The following FAM118A variants were observed in gnomAD, a reference collection of about 807,000 sequenced individuals.
The protein encoded by FAM118A is SIR2 antiphage like 2.
A neutral mutation model predicts 38.2 loss-of-function variants in FAM118A; 25 were observed. That is an observed-to-expected ratio of 0.65 (90% CI 0.48 to 0.91). The LOEUF (loss-of-function observed/expected upper bound fraction) is 0.91. Ranked by LOEUF, FAM118A falls within the 40% of genes least tolerant of loss-of-function variation. FAM118A has a pLI of 0.00. For synonymous variants in FAM118A, 178 were observed against 184.1 expected (o/e 0.97, Z 0.27); for missense variants, 425 against 463.3 (o/e 0.92, Z 0.76).
At chr22:45,337,034 G>A (rs1028225843) in intron 8 of FAM118A, among the ~76,000 whole-genome samples, 5 of 152,172 alleles carry the variant, frequency 3.3e-5, no homozygotes, top group Non-Finnish European at 7.4e-5. Flanking sequence ...TGTTCGTGCC[G>A]GTCCCTCCCT....
At chr22:45,322,078 G>T in intron 1 of FAM118A, 1 of 812,152 alleles carries the variant, frequency 1.2e-6, no homozygotes. Context: ...CCCCAGCTCG[G>T]AGCCCACAGA....
At chr22:45,326,818 C>G (rs1207223404) in intron 3 of FAM118A, among the ~76,000 whole-genome samples, 2 of 117,102 alleles carry the variant, frequency 1.7e-5, no homozygotes, top group African/African-American at 3.5e-5. Context: ...GAGCAAGACT[C>G]TGTCTCAAAA....
At chr22:45,326,539 A>G (rs1763237176) in intron 3 of FAM118A, among the ~76,000 whole-genome samples, 1 of 152,092 alleles carries the variant, frequency 6.6e-6, no homozygotes, top group South Asian at 2.1e-4. Flanking sequence ...AATAAAAAAA[A>G]ATTTAGGCCG....
At chr22:45,312,996 G>A (rs899533177) in intron 1 of FAM118A, among the ~76,000 whole-genome samples, 3 of 152,150 alleles carry the variant, frequency 2.0e-5, no homozygotes, top group African/African-American at 7.2e-5. Flanking sequence ...GTTAGTGGGT[G>A]GGGCTGAAAG....
At chr22:45,337,991 G>A in intron 8 of FAM118A, 2 of 659,606 alleles carry the variant, frequency 3.0e-6, no homozygotes, top group East Asian at 1.4e-4. Flanking sequence ...TTTTTTCCTG[G>A]GAGTTTTTAG....
At chr22:45,330,527 C>T (rs2085632489) in intron 4 of FAM118A, 76 bp from the exon 5 acceptor site, 3 of 1,395,066 alleles carry the variant, frequency 2.2e-6, no homozygotes, top group Middle Eastern at 3.8e-4. Flanking sequence ...ACTATGAATC[C>T]ATTTTCAGTA....
At chr22:45,309,804 C>CGGCGG (rs71190659), upstream of FAM118A, 66,308 of 151,034 alleles carry the variant, frequency 0.44, 17,912 homozygotes, top group Non-Finnish European at 0.62. Context: ...GAGGATCTGG[C>CGGCGG]GGCGGGGCGG....
At chr22:45,318,769 T>C (rs2084719636) in intron 1 of FAM118A, 1 of 152,226 alleles carries the variant, frequency 6.6e-6, no homozygotes, top group African/African-American at 2.4e-5. Context: ...GTTGGCTCCT[T>C]TGATCCTTAA....
Position 45,322,436 on chromosome 22 carries a change from G to A in FAM118A, c.47+10G>A, listed in dbSNP as rs2084933625. 2 of 1,608,200 alleles carry A rather than the reference G, an allele frequency of 1.2e-6. No homozygotes were observed. Among genetic ancestry groups the A allele is most frequent in the Admixed American group, 1.7e-5 (1 of 58,856 alleles). ...GTGAACAAAAATCCAGGTAATTAAA[G>A]GCAACTATACCTTCAAGCAGCTTCA... On this transcript the variant is annotated intron_variant, in intron 2 of 8. Transcript: ENST00000441876.
intron 5 of FAM118A, among the ~76,000 whole-genome samples, chr22:45,332,139 G>A (rs181908423): frequency 6.6e-6 from 1 of 152,222 alleles, no homozygotes; most frequent in African/African-American, 2.4e-5. Context: ...GCTGTTAGGG[G>A]TGTGGGCACT....
chr22:45,340,232 A>G (rs2086393640), intron 8 of FAM118A, among the ~76,000 whole-genome samples, 154 bp from the exon 9 acceptor site: 1 of 152,236 alleles, frequency 6.6e-6, no homozygotes. Context: ...GGTCATTTCC[A>G]GACAGTGGCT....
chr22:45,333,117 A>G (rs2085842990), intron 6 of FAM118A, among the ~76,000 whole-genome samples: 1 of 152,270 alleles, frequency 6.6e-6, no homozygotes, highest in Admixed American at 6.5e-5. Flanking sequence ...GATGGAACCC[A>G]CATACCCCTA....
At chr22:45,313,573 T>G (rs944872367) in intron 1 of FAM118A, among the ~76,000 whole-genome samples, 15 of 152,140 alleles carry the variant, frequency 9.9e-5, no homozygotes, top group Admixed American at 9.2e-4. Context: ...TCCATTCGCC[T>G]CGGCCTCCCA....
chr22:45,329,459 T>C (rs1417276313), intron 4 of FAM118A: 2 of 152,270 alleles, frequency 1.3e-5, no homozygotes, highest in Non-Finnish European at 2.9e-5. Context: ...TTTCTTGTGT[T>C]ACTAAAGGTT....
At chr22:45,333,061 A>T (rs1365107711) in intron 6 of FAM118A, among the ~76,000 whole-genome samples, 1 of 152,164 alleles carries the variant, frequency 6.6e-6, no homozygotes, top group Non-Finnish European at 1.5e-5. Flanking sequence ...CTTTTCAAGT[A>T]CAAAACTCAC....
rs768720102 is a variant in FAM118A, at chr22:45,340,682, A to T, written c.*277A>T. 6 of 509,618 alleles carry T rather than the reference A, an allele frequency of 1.2e-5. No individual in the cohort carries two copies. The highest frequency in any genetic ancestry group is 4.9e-4 in the Middle Eastern group (1 of 2,036). The allele number at this position is 509,618 out of a possible 1,614,324, so 31.6% of individuals were successfully genotyped here. A position where few individuals can be genotyped will look rare whatever the true frequency, so the allele number is the denominator to read the frequency against. ...GACCAGAATCCGTGGGAAGGGATGG[A>T]CCTGGTGTTCCCGTTCCCATCTGAC... On this transcript the variant is annotated 3_prime_UTR_variant, in exon 9 of 9. Transcript: ENST00000441876.
At chr22:45,333,243 A>G (rs1035980107) in intron 6 of FAM118A, among the ~76,000 whole-genome samples, 2 of 152,192 alleles carry the variant, frequency 1.3e-5, no homozygotes, top group African/African-American at 2.4e-5. Context: ...AAGTAACTTC[A>G]GGCTGGGCAC....
In FAM118A at chr22:45,332,686, C is replaced by G. The variant is rs752808642; in HGVS notation, c.913C>G (p.Gln305Glu). ...FPGYVQDLAT[Q>E]ICKQQSPDAD... ...AGGATATGTGCAAGACCTTGCCACTCAGATCTGCAAACAGCAAAGCCCAGG... is the reference window on the plus strand; with the variant it reads ...AGGATATGTGCAAGACCTTGCCACTGAGATCTGCAAACAGCAAAGCCCAGG... Residue 305 changes from glutamine (Q) to glutamate (E), a missense_variant, in exon 6 of 9, where the codon CAG becomes GAG. Coordinates refer to ENST00000441876, the MANE Select transcript of FAM118A (RefSeq NM_017911.4). 16 of 1,608,886 alleles carry G rather than the reference C, an allele frequency of 9.9e-6. No individual in the cohort carries two copies. Among genetic ancestry groups the G allele is most frequent in the East Asian group, 8.9e-5 (4 of 44,752 alleles).
At chr22:45,311,693 C>G (rs1350568693) in intron 1 of FAM118A, among the ~76,000 whole-genome samples, 3 of 152,014 alleles carry the variant, frequency 2.0e-5, no homozygotes, top group Non-Finnish European at 1.5e-5. Context: ...TGTTTTTGAA[C>G]CATCCATGTG....
Sources: gnomAD v4.1 joint callset for allele counts (sites outside exome capture counted in the v4.1 genomes callset) on GRCh38, gnomAD v4.1.1 for gene constraint, MANE v1.5 for transcripts, NCBI Gene and HGNC (gene_info 2026-07-23, HGNC 2026-07-21) for gene names.